The following OR10K2 variants were observed in gnomAD, a reference collection of about 807,000 sequenced individuals.
The protein encoded by OR10K2 is olfactory receptor 10K2.
For synonymous variants in OR10K2, 169 were observed against 146.4 expected, an observed-to-expected ratio of 1.15 and a Z score of -1.11; for missense variants, 401 against 367.1, an observed-to-expected ratio of 1.09 and a Z score of -0.76.
Position 158,419,039 on chromosome 1 carries a change from C to A in OR10K2, c.*889G>T, listed in dbSNP as rs957168460. 1.3e-5 allele frequency: 2 copies of A among 152,348 alleles called. No homozygotes were observed. Among genetic ancestry groups the A allele is most frequent in the African/African-American group, 4.8e-5 (2 of 41,416 alleles). The allele number at this position is 152,348 out of a possible 1,614,324, so 9.4% of individuals were successfully genotyped here. The stretch of plus-strand genomic sequence containing the variant: ...TATGCTGACCAAATTTAGATGTATG[C>A]CTCTGCATACAAAATTAGAAATGAT... On this transcript the variant is annotated 3_prime_UTR_variant, in exon 2 of 2. Transcript: ENST00000641042.
chr1:158,421,148 C>A (rs1655149213), intron 1 of OR10K2, among the ~76,000 whole-genome samples: 1 of 152,084 alleles, frequency 6.6e-6, no homozygotes, highest in Admixed American at 6.6e-5. Context: ...CCTCCATTCC[C>A]ATCATGAGGC....
In OR10K2 at chr1:158,425,984, T is replaced by A. The variant is rs1187249121; in HGVS notation, c.-113A>T. The A allele has an allele frequency of 6.6e-6, 1 of 152,098 alleles. No homozygotes were observed. Among genetic ancestry groups the A allele is most frequent in the Non-Finnish European group, 1.5e-5 (1 of 68,016 alleles). The allele number at this position is 152,098 out of a possible 1,614,324, so 9.4% of individuals were successfully genotyped here. ...CAGAGGATAGATGTTTATTTTCATT[T>A]CCTGTCCATTGCCCAGTTTCTCAAG... On this transcript the variant is annotated 5_prime_UTR_variant, in exon 1 of 2. An upstream open reading frame in the 5' UTR gains an earlier in-frame stop. Coordinates refer to ENST00000641042, the MANE Select transcript of OR10K2 (RefSeq NM_001004476.2).
Position 158,425,812 on chromosome 1 carries a change from GAAA to G in OR10K2, c.-62+118_-62+120del, listed in dbSNP as rs202186077. ...TAAAATTTATATGCACAATTTTGCAGAAAAACACTTTAAAACTTAAATAATCCT... is the reference window on the plus strand; with the variant it reads ...TAAAATTTATATGCACAATTTTGCAGAACACTTTAAAACTTAAATAATCCT... On this transcript the variant is annotated intron_variant, in intron 1 of 1. Transcript: ENST00000641042. 738 of 152,180 alleles carry G rather than the reference GAAA, an allele frequency of 4.8e-3. 7 individuals carry two copies. The highest frequency in any genetic ancestry group is 0.016 in the African/African-American group (661 of 41,542). The allele number at this position is 152,180 out of a possible 1,614,324, so 9.4% of individuals were successfully genotyped here. A position where few individuals can be genotyped will look rare whatever the true frequency, so the allele number is the denominator to read the frequency against.
intron 1 of OR10K2, among the ~76,000 whole-genome samples, chr1:158,425,591 T>C (rs1655237655): frequency 6.6e-6 from 1 of 152,088 alleles, no homozygotes; most frequent in Non-Finnish European, 1.5e-5. Flanking sequence ...TTTCAGAGCA[T>C]TTATTAAGTT....
chr1:158,423,539 T>C (rs1258033737), intron 1 of OR10K2, among the ~76,000 whole-genome samples: 5 of 152,088 alleles, frequency 3.3e-5, no homozygotes, highest in Middle Eastern at 3.4e-3. Flanking sequence ...TGAGAATTAA[T>C]TCAGGCAATA....
At position 158,418,286 on chromosome 1, in the gene OR10K2, T is replaced by G. The variant is rs1198228425; in HGVS notation, c.*1642A>C. 1.3e-5 allele frequency: 2 copies of G among 152,136 alleles called. No homozygotes were observed. Among genetic ancestry groups the G allele is most frequent in the East Asian group, 3.9e-4 (2 of 5,186 alleles). 9.4% of individuals were successfully genotyped at this position (152,136 alleles called of 1,614,324 possible). On this transcript the variant is annotated 3_prime_UTR_variant, in exon 2 of 2. Transcript: ENST00000641042. ...ACAAAATGTCGATTATAATATATACTTCCCAGTGTGCTCTAAAGTTTAGAT... is the reference window on the plus strand; with the variant it reads ...ACAAAATGTCGATTATAATATATACGTCCCAGTGTGCTCTAAAGTTTAGAT...
Position 158,418,759 on chromosome 1 carries a change from T to A in OR10K2, c.*1169A>T, listed in dbSNP as rs1655087178. Reference sequence around the variant, plus strand: ...GAGTTATAATGTGAGAAATCATCACTATTGTGAAACTTCCTTTTTGCTATC... The same window carrying A: ...GAGTTATAATGTGAGAAATCATCACAATTGTGAAACTTCCTTTTTGCTATC... On this transcript the variant is annotated 3_prime_UTR_variant, in exon 2 of 2. Coordinates refer to ENST00000641042, the MANE Select transcript of OR10K2 (RefSeq NM_001004476.2). 6.6e-6 allele frequency: 1 copy of A among 152,160 alleles called. No homozygotes were observed. The highest frequency in any genetic ancestry group is 2.4e-5 in the African/African-American group (1 of 41,444). The allele number at this position is 152,160 out of a possible 1,614,324, so 9.4% of individuals were successfully genotyped here. A position where few individuals can be genotyped will look rare whatever the true frequency, so the allele number is the denominator to read the frequency against.
Position 158,420,234 on chromosome 1 carries a change from T to C in OR10K2, c.633A>G (p.Leu211=). 6.2e-7 allele frequency: 1 copy of C among 1,613,572 alleles called. No homozygotes were observed. The part of the protein sequence containing the change: ...MLCTLVLAIP[L]LLILVSYVHI... The stretch of plus-strand genomic sequence containing the variant: ...GAACATAGGACACCAAGATCAACAA[T>C]AAGGGGATAGCCAGGACCAATGTAC... Residue 211 remains leucine, a synonymous_variant, in exon 2 of 2, where the codon TTA becomes TTG. Coordinates refer to ENST00000641042, the MANE Select transcript of OR10K2 (RefSeq NM_001004476.2).
rs73019740 is a variant in OR10K2, at chr1:158,424,464, G to T, written c.-62+1469C>A. On this transcript the variant is annotated intron_variant, in intron 1 of 1. Coordinates refer to ENST00000641042, the MANE Select transcript of OR10K2 (RefSeq NM_001004476.2). ...TTGATGTTTCCAGGAAGAAAAAATAGAACACAATTTTGGTATCAGTTTATT... is the reference window on the plus strand; with the variant it reads ...TTGATGTTTCCAGGAAGAAAAAATATAACACAATTTTGGTATCAGTTTATT... 6.6e-3 allele frequency among the ~76,000 whole-genome samples: 1,004 copies of T among 151,950 alleles called. 10 individuals carry two copies. The highest frequency in any genetic ancestry group is 0.023 in the African/African-American group (960 of 41,506).
intron 1 of OR10K2, among the ~76,000 whole-genome samples, chr1:158,425,406 C>T (rs1366458336): frequency 1.3e-5 from 2 of 152,032 alleles, no homozygotes; most frequent in African/African-American, 2.4e-5. Context: ...CAGTATTATC[C>T]TGCCTTCTGA....
rs372465974 is a variant in OR10K2, at chr1:158,419,419, A to AG, written c.*508_*509insC. 0.22 allele frequency: 22,071 copies of AG among 101,298 alleles called. 2,046 individuals carry two copies. The highest frequency in any genetic ancestry group is 0.31 in the Non-Finnish European group (14,463 of 46,488). The allele number at this position is 101,298 out of a possible 1,614,324, so 6.3% of individuals were successfully genotyped here. The stretch of plus-strand genomic sequence containing the variant: ...CCATCTGTTATTTTTTAATCAATTG[A>AG]AAAAAAACCTTCAATAGGCAATAAT... On this transcript the variant is annotated 3_prime_UTR_variant, in exon 2 of 2. Coordinates refer to ENST00000641042, the MANE Select transcript of OR10K2 (RefSeq NM_001004476.2).
At chr1:158,424,737 C>G (rs1005178091) in intron 1 of OR10K2, among the ~76,000 whole-genome samples, 2 of 149,358 alleles carry the variant, frequency 1.3e-5, no homozygotes, top group East Asian at 2.0e-4. Flanking sequence ...ACAGTACAAT[C>G]TGTGTGTGTG....
At chr1:158,420,948 A>G in intron 1 of OR10K2, 21 bp from the exon 2 acceptor site, 1 of 1,285,388 alleles carries the variant, frequency 7.8e-7, no homozygotes, top group Non-Finnish European at 1.1e-6. Context: ...GTAGATTCAC[A>G]GAAAATTGAT....
In OR10K2 at chr1:158,422,805, C is replaced by T. The variant is rs1444780844; in HGVS notation, c.-61-1878G>A. Reference sequence around the variant, plus strand: ...CATTTAAATAAGACCCAGTCCCGAGCCTCTAGTTCATGTTTCAAGGGTGAG... The same window carrying T: ...CATTTAAATAAGACCCAGTCCCGAGTCTCTAGTTCATGTTTCAAGGGTGAG... On this transcript the variant is annotated intron_variant, in intron 1 of 1. Coordinates refer to ENST00000641042, the MANE Select transcript of OR10K2 (RefSeq NM_001004476.2). Among the ~76,000 whole-genome samples, 5 of 151,826 alleles carry T rather than the reference C, an allele frequency of 3.3e-5. No individual in the cohort carries two copies. In the South Asian group the frequency reaches 1.0e-3, roughly 32 times the overall value.
At position 158,426,119 on chromosome 1, in the gene OR10K2, A is replaced by C. The variant is rs1655250549; in HGVS notation, c.-248T>G. 6.6e-6 allele frequency: 1 copy of C among 152,162 alleles called. No individual in the cohort carries two copies. Among genetic ancestry groups the C allele is most frequent in the Non-Finnish European group, 1.5e-5 (1 of 68,028 alleles). 9.4% of individuals were successfully genotyped at this position (152,162 alleles called of 1,614,324 possible). The stretch of plus-strand genomic sequence containing the variant: ...CAGGGACATAGAGGCTACAAGAGAC[A>C]GAATTCAAGTTGACGTGTAGAATGG... On this transcript the variant is annotated 5_prime_UTR_variant, in exon 1 of 2. Coordinates refer to ENST00000641042, the MANE Select transcript of OR10K2 (RefSeq NM_001004476.2).
chr1:158,423,700 T>C (rs1655204124), intron 1 of OR10K2, among the ~76,000 whole-genome samples: 1 of 152,052 alleles, frequency 6.6e-6, no homozygotes. Context: ...TTGAAACTGA[T>C]TTTTCTGTAT....
rs1176203370 is a variant in OR10K2, at chr1:158,420,911, A to G, written c.-45T>C. 6.5e-7 allele frequency: 1 copy of G among 1,530,620 alleles called. No individual in the cohort carries two copies. Among genetic ancestry groups the G allele is most frequent in the Non-Finnish European group, 8.8e-7 (1 of 1,132,324 alleles). 94.8% of individuals were successfully genotyped at this position (1,530,620 alleles called of 1,614,324 possible). A position where few individuals can be genotyped will look rare whatever the true frequency, so the allele number is the denominator to read the frequency against. On this transcript the variant is annotated 5_prime_UTR_variant, in exon 2 of 2. The change abolishes the stop of an existing upstream ORF in the 5' untranslated region. Coordinates refer to ENST00000641042, the MANE Select transcript of OR10K2 (RefSeq NM_001004476.2). ...GACAATTAGGGAGAGAAGAGGAGTC[A>G]GCACCAAAAGAAATCCCTGAAAATA...
chr1:158,421,241 A>T (rs865833697), intron 1 of OR10K2, among the ~76,000 whole-genome samples: 1 of 149,374 alleles, frequency 6.7e-6, no homozygotes, highest in Non-Finnish European at 1.5e-5. Context: ...GTATTCTCTC[A>T]AAAAAAAAAT....
At chr1:158,424,522 A>G (rs17628163) in intron 1 of OR10K2, among the ~76,000 whole-genome samples, 8,627 of 152,176 alleles carry the variant, frequency 0.057, 325 homozygotes, top group Non-Finnish European at 0.079. Flanking sequence ...GTAATAATGT[A>G]AGGCAAGTTG....
Sources: gnomAD v4.1 joint callset for allele counts (sites outside exome capture counted in the v4.1 genomes callset) on GRCh38, gnomAD v4.1.1 for gene constraint, MANE v1.5 for transcripts, NCBI Gene and HGNC (gene_info 2026-07-23, HGNC 2026-07-21) for gene names.